Variants in KCNIP1 observed in about 807,000 individuals in gnomAD.
The protein encoded by KCNIP1 is potassium voltage-gated channel interacting protein 1.
KCNIP1 carries 18 observed loss-of-function variants against 33.0 expected under a neutral mutation model. The ratio of observed to expected loss-of-function variants is 0.55; its 90% CI spans 0.38 to 0.81. The LOEUF (loss-of-function observed/expected upper bound fraction) is 0.81, where lower values mean the gene tolerates loss of function less well. Among genes scored for constraint, KCNIP1 ranks in the 30% least tolerant of loss-of-function variants. The pLI is 0.00. For synonymous variants in KCNIP1, 93 were observed against 98.3 expected, an observed-to-expected ratio of 0.95 and a Z score of 0.32; for missense variants, 238 against 271.6, an observed-to-expected ratio of 0.88 and a Z score of 0.87.
chr5:170,605,353 G>C (rs1758865226), intron 1 of KCNIP1, among the ~76,000 whole-genome samples: 1 of 152,148 alleles, frequency 6.6e-6, no homozygotes, highest in Admixed American at 6.5e-5. Flanking sequence ...TTTCCCAGCT[G>C]CAATTTCTTT....
chr5:170,594,754 A>T (rs4490603), intron 1 of KCNIP1, among the ~76,000 whole-genome samples: 2 of 152,188 alleles, frequency 1.3e-5, no homozygotes, highest in African/African-American at 4.8e-5. Flanking sequence ...CAGGTGATCC[A>T]CCCCACTCTG....
At position 170,676,216 on chromosome 5, in the gene KCNIP1, GGA is replaced by G. The variant is rs1242573828; in HGVS notation, c.62-42541_62-42540del. 8.3e-5 allele frequency among the ~76,000 whole-genome samples: 12 copies of G among 143,760 alleles called. No homozygotes were observed. In the East Asian group the frequency reaches 2.5e-3, roughly 30 times the overall value. The allele number at this position is 143,760 out of a possible 152,430, so 94.3% of individuals were successfully genotyped here. ...GGAAAGGAAAGGAAAGGAAAGGAAA[GGA>G]AAGGATTACAGGTGGGAGGGAGGGA... On this transcript the variant is annotated intron_variant, in intron 1 of 7. Coordinates refer to ENST00000328939, the MANE Select transcript of KCNIP1 (RefSeq NM_014592.4).
intron 1 of KCNIP1, among the ~76,000 whole-genome samples, chr5:170,691,915 A>G (rs998218763): frequency 1.2e-4 from 19 of 152,212 alleles, no homozygotes; most frequent in African/African-American, 3.6e-4. Flanking sequence ...ACCTGTTTAC[A>G]TGGAACTGCT....
intron 1 of KCNIP1, among the ~76,000 whole-genome samples, chr5:170,620,048 C>A (rs1039447079): frequency 2.0e-5 from 3 of 152,334 alleles, no homozygotes; most frequent in Non-Finnish European, 2.9e-5. Context: ...GAGCTACAAA[C>A]TTCTCAGTCT....
intron 1 of KCNIP1, among the ~76,000 whole-genome samples, chr5:170,419,699 A>G (rs1755428870): frequency 6.6e-6 from 1 of 152,210 alleles, no homozygotes; most frequent in Non-Finnish European, 1.5e-5. Context: ...TCATTGCTTT[A>G]ACTGACAAAA....
chr5:170,477,753 T>C (rs1378826226), intron 1 of KCNIP1, among the ~76,000 whole-genome samples: 1 of 152,186 alleles, frequency 6.6e-6, no homozygotes, highest in Non-Finnish European at 1.5e-5. Context: ...GGTTGGCTCT[T>C]ATCTATTTAC....
At chr5:170,537,138 C>A (rs981763113) in intron 1 of KCNIP1, among the ~76,000 whole-genome samples, 3 of 152,158 alleles carry the variant, frequency 2.0e-5, no homozygotes, top group African/African-American at 7.2e-5. Context: ...CAGCTCCCAT[C>A]TAAATGTGGC....
At chr5:170,726,635 T>C (rs2194160) in intron 5 of KCNIP1, among the ~76,000 whole-genome samples, 113,836 of 151,704 alleles carry the variant, frequency 0.75, 42,789 homozygotes, top group East Asian at 0.87. Flanking sequence ...CATGGTGGCT[T>C]ACGCCTATAA....
intron 1 of KCNIP1, among the ~76,000 whole-genome samples, chr5:170,488,802 T>C (rs1254153679): frequency 6.6e-6 from 1 of 152,042 alleles, no homozygotes; most frequent in East Asian, 1.9e-4. Context: ...GTGTGTGTGC[T>C]GGGGGGAGCA....
intron 1 of KCNIP1, among the ~76,000 whole-genome samples, chr5:170,643,822 G>A (rs1012706041): frequency 6.6e-6 from 1 of 152,236 alleles, no homozygotes. Context: ...ATGGGTCAGG[G>A]CTGCCACCCC....
At chr5:170,652,476 C>A (rs1267992529) in intron 1 of KCNIP1, among the ~76,000 whole-genome samples, 1 of 83,296 alleles carries the variant, frequency 1.2e-5, no homozygotes, top group Admixed American at 1.4e-4. Flanking sequence ...CAGATTGAGA[C>A]CCTATTAAAA....
intron 1 of KCNIP1, among the ~76,000 whole-genome samples, chr5:170,442,739 T>A (rs1465658241): frequency 2.0e-5 from 3 of 152,164 alleles, no homozygotes; most frequent in Non-Finnish European, 4.4e-5. Context: ...GAGAGGGGCT[T>A]ATGCAGAATG....
intron 1 of KCNIP1, among the ~76,000 whole-genome samples, chr5:170,689,504 T>C (rs2113811864): frequency 6.6e-6 from 1 of 152,262 alleles, no homozygotes; most frequent in East Asian, 1.9e-4. Flanking sequence ...AACTAGTAAG[T>C]AGCTGAACCA....
chr5:170,580,843 AG>A (rs1757764651), intron 1 of KCNIP1, among the ~76,000 whole-genome samples: 1 of 143,898 alleles, frequency 6.9e-6, no homozygotes, highest in South Asian at 2.3e-4. Context: ...CCAGCATATA[AG>A]GAAAAGCTTT....
At chr5:170,466,269 A>C (rs540745300) in intron 1 of KCNIP1, among the ~76,000 whole-genome samples, 4 of 152,194 alleles carry the variant, frequency 2.6e-5, no homozygotes, top group Non-Finnish European at 5.9e-5. Flanking sequence ...AAGGACACCC[A>C]AGAGGAGGAT....
intron 1 of KCNIP1, among the ~76,000 whole-genome samples, chr5:170,418,944 C>G (rs1004951049): frequency 1.3e-5 from 2 of 152,212 alleles, no homozygotes; most frequent in African/African-American, 2.4e-5. Flanking sequence ...TCATTTTTCA[C>G]GTGCCATTTG....
chr5:170,536,311 C>T (rs1322936378), intron 1 of KCNIP1, among the ~76,000 whole-genome samples: 1 of 152,210 alleles, frequency 6.6e-6, no homozygotes, highest in Non-Finnish European at 1.5e-5. Context: ...ACTGCCTGTG[C>T]AGCCTTGTGC....
At chr5:170,715,130 T>C (rs141145887) in intron 1 of KCNIP1, among the ~76,000 whole-genome samples, 2 of 152,322 alleles carry the variant, frequency 1.3e-5, no homozygotes, top group South Asian at 2.1e-4. Context: ...GACACACAAA[T>C]ACTTAAAATA....
intron 1 of KCNIP1, among the ~76,000 whole-genome samples, chr5:170,457,474 T>C (rs1459703649): frequency 6.6e-6 from 1 of 152,186 alleles, no homozygotes; most frequent in Non-Finnish European, 1.5e-5. Context: ...AATACTGTGC[T>C]GGTATCTGTG....
Sources: allele counts gnomAD v4.1 joint callset (sites outside exome capture counted in the v4.1 genomes callset), GRCh38; gene constraint gnomAD v4.1.1; transcripts MANE v1.5; gene names NCBI Gene and HGNC (gene_info 2026-07-23, HGNC 2026-07-21).